The following CYP19A1 variants were observed in gnomAD, a reference collection of about 807,000 sequenced individuals.
CYP19A1 encodes aromatase.
CYP19A1 carries 32 observed loss-of-function variants against 44.4 expected under a neutral mutation model. The ratio of observed to expected loss-of-function variants is 0.72; its 90% CI spans 0.54 to 0.97. CYP19A1 has a LOEUF of 0.97. Ranked by LOEUF, CYP19A1 falls within the 50% of genes least tolerant of loss-of-function variation. CYP19A1 has a pLI of 0.00. For synonymous variants in CYP19A1, 212 were observed against 215.6 expected (o/e 0.98, Z 0.14); for missense variants, 598 against 637.8 (o/e 0.94, Z 0.67).
intron 1 of CYP19A1, among the ~76,000 whole-genome samples, chr15:51,308,008 A>G (rs1404549628): frequency 6.6e-6 from 1 of 152,252 alleles, no homozygotes; most frequent in Non-Finnish European, 1.5e-5. Flanking sequence ...ATCAAGTTTC[A>G]TTTCCTTTCT....
At chr15:51,271,302 C>G (rs994495696) in intron 1 of CYP19A1, among the ~76,000 whole-genome samples, 9 of 152,100 alleles carry the variant, frequency 5.9e-5, no homozygotes, top group African/African-American at 2.2e-4. Flanking sequence ...ACCAGGCCTG[C>G]GAGTCACCTA....
chr15:51,226,462 A>T (rs2141074626), intron 4 of CYP19A1, among the ~76,000 whole-genome samples: 1 of 152,340 alleles, frequency 6.6e-6, no homozygotes, highest in East Asian at 1.9e-4. Flanking sequence ...GGAAAGTGAT[A>T]CACTGGGGTC....
At chr15:51,236,731 A>ATGTATATAT in intron 3 of CYP19A1, 128 bp downstream of exon 3, 1 of 1,169,162 alleles carries the variant, frequency 8.6e-7, no homozygotes, top group Non-Finnish European at 1.3e-6. Context: ...GGGATTGCTC[A>ATGTATATAT]CTTCATTTCA....
At chr15:51,265,531 A>G (rs116858407) in intron 1 of CYP19A1, among the ~76,000 whole-genome samples, 3 of 152,000 alleles carry the variant, frequency 2.0e-5, no homozygotes, top group Non-Finnish European at 4.4e-5. Flanking sequence ...CTCTGTGGGA[A>G]CCCAGGCAAA....
intron 1 of CYP19A1, 25 bp from the exon 2 acceptor site, chr15:51,242,975 A>T: frequency 8.6e-7 from 1 of 1,168,858 alleles, no homozygotes. Context: ...GGGACAGAAA[A>T]ATTACAGAAT....
At chr15:51,329,005 C>T (rs1033995413) in intron 1 of CYP19A1, among the ~76,000 whole-genome samples, 2 of 152,198 alleles carry the variant, frequency 1.3e-5, no homozygotes, top group Admixed American at 1.3e-4. Context: ...CCTACACTCT[C>T]GTAGGTCTCC....
chr15:51,338,140 G>A (rs1160739076), intron 1 of CYP19A1, among the ~76,000 whole-genome samples: 8 of 152,120 alleles, frequency 5.3e-5, no homozygotes, highest in Admixed American at 5.2e-4. Context: ...GCTCTGAACT[G>A]GGGTGGGAGG....
chr15:51,273,808 A>C (rs1230959147), intron 1 of CYP19A1, among the ~76,000 whole-genome samples: 1 of 152,188 alleles, frequency 6.6e-6, no homozygotes, highest in Non-Finnish European at 1.5e-5. Context: ...GAATTTGAGA[A>C]TAGCCTGGCC....
At chr15:51,301,133 G>A (rs2141001323) in intron 1 of CYP19A1, among the ~76,000 whole-genome samples, 1 of 152,164 alleles carries the variant, frequency 6.6e-6, no homozygotes, top group East Asian at 1.9e-4. Context: ...AGGAAAACTG[G>A]GCTTTTGAGG....
intron 1 of CYP19A1, among the ~76,000 whole-genome samples, chr15:51,299,318 C>T (rs542051467): frequency 6.6e-6 from 1 of 152,368 alleles, no homozygotes; most frequent in East Asian, 1.9e-4. Context: ...TTTTGGCCTT[C>T]TGGTCCTGAA....
intron 1 of CYP19A1, among the ~76,000 whole-genome samples, chr15:51,316,532 C>T (rs2036429075): frequency 6.6e-6 from 1 of 151,930 alleles, no homozygotes; most frequent in Non-Finnish European, 1.5e-5. Context: ...GGCAGAGGCA[C>T]TGTATGGGTT....
chr15:51,260,195 A>G (rs573445762), intron 1 of CYP19A1, among the ~76,000 whole-genome samples: 1 of 152,352 alleles, frequency 6.6e-6, no homozygotes, highest in South Asian at 2.1e-4. Context: ...ATGATATACG[A>G]CACAGATTCA....
Position 51,336,909 on chromosome 15 carries a change from C to CT in CYP19A1, c.-39+1585dup, listed in dbSNP as rs1555400671. On this transcript the variant is annotated intron_variant, in intron 1 of 9. Transcript: ENST00000396402. ...TCAACAAAACAGGCCAGATTGATAG[C>CT]TTTTTTTTTTTTTTAATAATAAGTA... Among the ~76,000 whole-genome samples, 248 of 37,660 alleles carry CT rather than the reference C, an allele frequency of 6.6e-3. 2 individuals carry two copies. The highest frequency in any genetic ancestry group is 0.042 in the Admixed American group (142 of 3,402). The allele number at this position is 37,660 out of a possible 152,430, so 24.7% of individuals were successfully genotyped here. A position where few individuals can be genotyped will look rare whatever the true frequency, so the allele number is the denominator to read the frequency against.
At chr15:51,228,620 C>G (rs1035383198) in intron 3 of CYP19A1, among the ~76,000 whole-genome samples, 1 of 152,210 alleles carries the variant, frequency 6.6e-6, no homozygotes, top group Non-Finnish European at 1.5e-5. Flanking sequence ...CATCATGACT[C>G]ATCAAAGTCT....
intron 1 of CYP19A1, among the ~76,000 whole-genome samples, chr15:51,309,698 A>G (rs2036277220): frequency 6.6e-6 from 1 of 152,228 alleles, no homozygotes; most frequent in South Asian, 2.1e-4. Context: ...CGCTCAGAGG[A>G]GAGAAACAAT....
intron 1 of CYP19A1, among the ~76,000 whole-genome samples, chr15:51,303,462 A>C (rs116553495): frequency 3.9e-5 from 6 of 151,954 alleles, no homozygotes; most frequent in African/African-American, 1.2e-4. Flanking sequence ...CTATAAAGTC[A>C]AGAATGAAAA....
intron 1 of CYP19A1, among the ~76,000 whole-genome samples, chr15:51,307,508 A>G (rs913294178): frequency 5.9e-5 from 9 of 152,214 alleles, no homozygotes; most frequent in Non-Finnish European, 1.2e-4. Flanking sequence ...GATTTAAAAA[A>G]TTAGTCATGT....
intron 1 of CYP19A1, among the ~76,000 whole-genome samples, chr15:51,283,888 A>G (rs565288562): frequency 2.0e-5 from 3 of 152,336 alleles, no homozygotes; most frequent in South Asian, 4.1e-4. Flanking sequence ...CAGTGTTGCC[A>G]TAGACCTTTG....
intron 1 of CYP19A1, among the ~76,000 whole-genome samples, chr15:51,325,895 T>G (rs1350864623): frequency 2.9e-5 from 4 of 139,046 alleles, no homozygotes; most frequent in African/African-American, 1.1e-4. Flanking sequence ...CTACCAAATA[T>G]CATAGCTTAG....
Sources: gnomAD v4.1 joint callset for allele counts (sites outside exome capture counted in the v4.1 genomes callset) on GRCh38, gnomAD v4.1.1 for gene constraint, MANE v1.5 for transcripts, NCBI Gene and HGNC (gene_info 2026-07-23, HGNC 2026-07-21) for gene names.